DOCK2: variants seen among roughly 807,000 people sequenced by gnomAD.
DOCK2 encodes the protein dedicator of cytokinesis 2.
In DOCK2, 87 loss-of-function variants were observed where a neutral mutation model predicts 248.9. The observed-to-expected ratio is 0.35, with a 90% CI of 0.29 to 0.42. The LOEUF is 0.42. Ranked by LOEUF, DOCK2 falls within the 10% of genes least tolerant of loss-of-function variation. The probability of loss-of-function intolerance (pLI) is 1.00; values close to 1 mark genes in which losing one functional copy is unlikely to be tolerated. For missense variants in DOCK2, 1,747 were observed against 2,300.2 expected (o/e 0.76, Z 4.92); for synonymous variants, 805 against 821.6 (o/e 0.98, Z 0.35).
At chr5:170,075,201 C>G (rs1216074330) in intron 46 of DOCK2, among the ~76,000 whole-genome samples, 1 of 152,146 alleles carries the variant, frequency 6.6e-6, no homozygotes, top group African/African-American at 2.4e-5. Flanking sequence ...CCTGAGACCA[C>G]ACAACTAAAG....
chr5:169,816,128 G>A (rs1768057601), intron 26 of DOCK2, among the ~76,000 whole-genome samples: 1 of 152,156 alleles, frequency 6.6e-6, no homozygotes, highest in Admixed American at 6.5e-5. Flanking sequence ...AGTTGCTGAG[G>A]GAACTATAAC....
chr5:170,008,661 T>C (rs371011144), intron 31 of DOCK2, 27 bp from the exon 32 acceptor site: 1 of 1,613,958 alleles, frequency 6.2e-7, no homozygotes, highest in African/African-American at 1.3e-5. Flanking sequence ...AGATGGTGCC[T>C]GAAGCAGAGG....
chr5:170,011,188 A>T (rs1755276835), intron 32 of DOCK2, among the ~76,000 whole-genome samples: 1 of 152,232 alleles, frequency 6.6e-6, no homozygotes. Flanking sequence ...AGCCCATTAT[A>T]ACAAGCTGCT....
At position 169,836,739 on chromosome 5, in the gene DOCK2, A is replaced by T. The variant is rs578143153; in HGVS notation, c.2704-4018A>T. On this transcript the variant is annotated intron_variant, in intron 26 of 51. Transcript: ENST00000520908. ...ACCTGAAGATTTTCCTCTTTGTTAG[A>T]AAAGGTGTTTTTACAAGAACTAGAG... 7.2e-5 allele frequency among the ~76,000 whole-genome samples: 11 copies of T among 152,326 alleles called. No individual in the cohort carries two copies. The East Asian group carries it at 1.9e-3, about 27-fold the overall frequency.
intron 30 of DOCK2, among the ~76,000 whole-genome samples, chr5:169,997,007 A>T (rs1039988272): frequency 6.6e-6 from 1 of 152,110 alleles, no homozygotes; most frequent in African/African-American, 2.4e-5. Flanking sequence ...AGTGTTCAGC[A>T]TATGGAGGAT....
At chr5:169,827,501 A>G (rs1002026966) in intron 26 of DOCK2, among the ~76,000 whole-genome samples, 11 of 152,216 alleles carry the variant, frequency 7.2e-5, no homozygotes, top group Non-Finnish European at 1.2e-4. Context: ...GAGAACGGAA[A>G]GTGACTGAGC....
intron 47 of DOCK2, 68 bp downstream of exon 47, chr5:170,076,152 G>A: frequency 7.0e-6 from 11 of 1,566,082 alleles, no homozygotes; most frequent in Non-Finnish European, 9.6e-6. Flanking sequence ...CATGCTGGAG[G>A]CTGAAGTTGG....
chr5:170,077,191 A>G (rs1162948135), intron 47 of DOCK2, among the ~76,000 whole-genome samples: 1 of 152,190 alleles, frequency 6.6e-6, no homozygotes, highest in African/African-American at 2.4e-5. Context: ...TGGCACATTG[A>G]TGTATGATTA....
chr5:169,882,756 G>A, intron 27 of DOCK2: 6 of 1,551,772 alleles, frequency 3.9e-6, no homozygotes, highest in Non-Finnish European at 5.2e-6. Flanking sequence ...TTGAAAGAGA[G>A]GATGGGAGAT....
chr5:170,012,449 A>G (rs1364942320), intron 32 of DOCK2, among the ~76,000 whole-genome samples: 1 of 152,194 alleles, frequency 6.6e-6, no homozygotes, highest in Non-Finnish European at 1.5e-5. Flanking sequence ...CATCATCAGT[A>G]TCATCATCTT....
chr5:170,042,299 T>C (rs1220364082), intron 38 of DOCK2, among the ~76,000 whole-genome samples, 167 bp downstream of exon 38: 2 of 152,184 alleles, frequency 1.3e-5, no homozygotes, highest in Non-Finnish European at 2.9e-5. Flanking sequence ...TCCACCTCCA[T>C]GTAAGGCACC....
At position 169,700,100 on chromosome 5, in the gene DOCK2, G is replaced by A; in HGVS notation, c.1219G>A (p.Val407Met). The part of the protein sequence containing the change: ...YPHLVDRTTV[V>M]ARKLGFPEII... The stretch of plus-strand genomic sequence containing the variant: ...ACACCTGGTGGACAGGACCACCGTG[G>A]TGGCCAGGAAGCTGGGATTCCCAGA... The change falls in exon 13 of 52, where the codon GTG becomes ATG. Residue 407 changes from valine to methionine, a missense_variant. Transcript: ENST00000520908. 6.2e-7 allele frequency: 1 copy of A among 1,614,020 alleles called. No homozygotes were observed. Among genetic ancestry groups the A allele is most frequent in the East Asian group, 2.2e-5 (1 of 44,882 alleles).
chr5:169,728,000 C>G (rs1029005741), intron 22 of DOCK2, among the ~76,000 whole-genome samples: 2 of 152,070 alleles, frequency 1.3e-5, no homozygotes, highest in Non-Finnish European at 2.9e-5. Context: ...GGCAAGAGCT[C>G]TTGAACTAAG....
intron 26 of DOCK2, among the ~76,000 whole-genome samples, chr5:169,808,748 T>G (rs1767563559): frequency 6.6e-6 from 1 of 152,162 alleles, no homozygotes; most frequent in South Asian, 2.1e-4. Flanking sequence ...AAGACAGGGT[T>G]TTTGTTTTTA....
At chr5:169,993,758 TC>T (rs1392574563) in intron 29 of DOCK2, among the ~76,000 whole-genome samples, 1 of 152,220 alleles carries the variant, frequency 6.6e-6, no homozygotes, top group Non-Finnish European at 1.5e-5. Flanking sequence ...CCTACTTCTT[TC>T]TTTCCCTGGG....
chr5:169,722,192 C>T (rs1762245182), intron 22 of DOCK2, among the ~76,000 whole-genome samples: 1 of 152,120 alleles, frequency 6.6e-6, no homozygotes, highest in Non-Finnish European at 1.5e-5. Flanking sequence ...TTTACAAAGC[C>T]CCTTGCAGTG....
chr5:169,978,389 G>T (rs1561863646), intron 27 of DOCK2, among the ~76,000 whole-genome samples: 1 of 57,418 alleles, frequency 1.7e-5, no homozygotes, highest in African/African-American at 6.2e-5. Context: ...GTGTGTGTGT[G>T]TGTGGGGGGG....
chr5:169,673,385 GTA>G (rs201048623), intron 5 of DOCK2, among the ~76,000 whole-genome samples: 1 of 151,402 alleles, frequency 6.6e-6, no homozygotes, highest in Non-Finnish European at 1.5e-5. Context: ...AATCAAGTGT[GTA>G]TATATATATA....
chr5:170,023,611 C>T (rs1309225788), intron 33 of DOCK2, among the ~76,000 whole-genome samples: 18 of 152,100 alleles, frequency 1.2e-4, no homozygotes, highest in African/African-American at 4.8e-5. Flanking sequence ...TGAATTGGAA[C>T]GATTAGAGAC....
Sources: gnomAD v4.1 joint callset for allele counts (sites outside exome capture counted in the v4.1 genomes callset) on GRCh38, gnomAD v4.1.1 for gene constraint, MANE v1.5 for transcripts, NCBI Gene and HGNC (gene_info 2026-07-23, HGNC 2026-07-21) for gene names.